The following TAOK1 variants were observed in gnomAD, a reference collection of about 807,000 sequenced individuals.
TAOK1 encodes serine/threonine-protein kinase TAO1.
In TAOK1, 21 loss-of-function variants were observed where a neutral mutation model predicts 138.3. That is an observed-to-expected ratio of 0.15 (90% CI 0.11 to 0.22). TAOK1 has a LOEUF of 0.22. Ranked by LOEUF, TAOK1 falls within the 10% of genes least tolerant of loss-of-function variation. The pLI is 1.00. For missense variants in TAOK1, 651 were observed against 1,227.7 expected, an observed-to-expected ratio of 0.53 and a Z score of 7.02; for synonymous variants, 361 against 398.4, an observed-to-expected ratio of 0.91 and a Z score of 1.12.
intron 12 of TAOK1, among the ~76,000 whole-genome samples, chr17:29,499,399 T>G (rs2031472456): frequency 6.6e-6 from 1 of 151,668 alleles, no homozygotes; most frequent in African/African-American, 2.4e-5. Context: ...GCCTGGCTAA[T>G]TTTTGTATTC....
intron 1 of TAOK1, among the ~76,000 whole-genome samples, chr17:29,418,422 C>G (rs1490059969): frequency 6.6e-6 from 1 of 151,784 alleles, no homozygotes; most frequent in Non-Finnish European, 1.5e-5. Flanking sequence ...CCAAGCTGGT[C>G]TCCAACTCCT....
At chr17:29,475,631 A>T (rs2030927417) in intron 3 of TAOK1, 39 bp from the exon 4 acceptor site, 1 of 1,327,088 alleles carries the variant, frequency 7.5e-7, no homozygotes. Context: ...TCTGAGGAAA[A>T]GTCCTGTTCA....
chr17:29,511,338 A>G (rs2031716418), intron 15 of TAOK1: 1 of 152,690 alleles, frequency 6.5e-6, no homozygotes, highest in Admixed American at 6.6e-5. Context: ...GGTTCACACC[A>G]TTCTCCTGCC....
chr17:29,528,132 C>T (rs1427921771), intron 17 of TAOK1, among the ~76,000 whole-genome samples: 3 of 152,156 alleles, frequency 2.0e-5, no homozygotes, highest in African/African-American at 4.8e-5. Context: ...TCACTGCAGC[C>T]TCCACCTCCC....
intron 8 of TAOK1, 105 bp downstream of exon 8, chr17:29,482,393 T>C: frequency 1.1e-6 from 1 of 893,812 alleles, no homozygotes. Flanking sequence ...AAATGTCACT[T>C]TATAAGGGGG....
intron 1 of TAOK1, among the ~76,000 whole-genome samples, chr17:29,394,221 A>G (rs553909650): frequency 1.7e-5 from 2 of 116,648 alleles, no homozygotes; most frequent in African/African-American, 6.6e-5. Flanking sequence ...GCTGGAGTGC[A>G]GTGGCACGAT....
intron 17 of TAOK1, among the ~76,000 whole-genome samples, chr17:29,523,074 C>CAAAAAA (rs35989910): frequency 9.0e-6 from 1 of 110,890 alleles, no homozygotes. Context: ...GACCCTGTCT[C>CAAAAAA]AAAAAAAAAA....
chr17:29,449,418 GTTAAT>G (rs1314039037), intron 1 of TAOK1, among the ~76,000 whole-genome samples: 1 of 152,164 alleles, frequency 6.6e-6, no homozygotes, highest in Non-Finnish European at 1.5e-5. Flanking sequence ...GCAGTGTGGT[GTTAAT>G]TTAGGGGGGT....
Position 29,543,052 on chromosome 17 carries a change from G to C in TAOK1, c.*30G>C. The C allele has an allele frequency of 6.7e-7, 1 of 1,498,942 alleles. No individual in the cohort carries two copies. The highest frequency in any genetic ancestry group is 9.0e-7 in the Non-Finnish European group (1 of 1,115,052). The allele number at this position is 1,498,942 out of a possible 1,614,324, so 92.9% of individuals were successfully genotyped here. Reference sequence around the variant, plus strand: ...ATAATTGAGAGTGGCAATTCCGCTGGAGCTGTCTGCCAAAAGAAACTGCCT... The same window carrying C: ...ATAATTGAGAGTGGCAATTCCGCTGCAGCTGTCTGCCAAAAGAAACTGCCT... On this transcript the variant is annotated 3_prime_UTR_variant, in exon 20 of 20. Coordinates refer to ENST00000261716, the MANE Select transcript of TAOK1 (RefSeq NM_020791.4).
At chr17:29,491,905 G>A (rs778156843) in intron 10 of TAOK1, 40 bp downstream of exon 10, 1 of 1,483,402 alleles carries the variant, frequency 6.7e-7, no homozygotes, top group South Asian at 1.2e-5. Flanking sequence ...TTTATTTTAA[G>A]ACAAGGCCTC....
chr17:29,439,464 A>G (rs976507674), intron 1 of TAOK1, among the ~76,000 whole-genome samples: 1 of 151,948 alleles, frequency 6.6e-6, no homozygotes, highest in Admixed American at 6.6e-5. Flanking sequence ...CGGCCTCCCA[A>G]AGTGCTGGGA....
chr17:29,413,137 T>C (rs1166114755), intron 1 of TAOK1, among the ~76,000 whole-genome samples: 1 of 152,164 alleles, frequency 6.6e-6, no homozygotes, highest in African/African-American at 2.4e-5. Flanking sequence ...TTGTTATACA[T>C]AGTGGTGATC....
At chr17:29,527,903 CTAAACT>C (rs1215123765) in intron 17 of TAOK1, among the ~76,000 whole-genome samples, 1 of 152,216 alleles carries the variant, frequency 6.6e-6, no homozygotes, top group Non-Finnish European at 1.5e-5. Flanking sequence ...TCTTCTGTCT[CTAAACT>C]TAAATATTTT....
rs774816955 is a variant in TAOK1 at position 29,522,529 on chromosome 17, G to A, written c.2148+10G>A. The A allele has an allele frequency of 8.1e-6, 13 of 1,613,458 alleles. No homozygotes were observed. The highest frequency in any genetic ancestry group is 7.7e-5 in the South Asian group (7 of 91,018). The stretch of plus-strand genomic sequence containing the variant: ...GCCTAAGAGTTTGAAGGTATGGTTA[G>A]CCTAAGCTTTTTGATAACAGGGAGG... On this transcript the variant is annotated intron_variant, in intron 17 of 19. Transcript: ENST00000261716.
intron 17 of TAOK1, among the ~76,000 whole-genome samples, chr17:29,523,200 T>C (rs1306486778): frequency 6.6e-6 from 1 of 151,896 alleles, no homozygotes; most frequent in Non-Finnish European, 1.5e-5. Context: ...TAATTTGCTG[T>C]AAATATGACT....
intron 1 of TAOK1, among the ~76,000 whole-genome samples, chr17:29,411,782 AT>A (rs1210047060): frequency 7.3e-5 from 11 of 150,486 alleles, no homozygotes; most frequent in Admixed American, 2.0e-4. Context: ...GCTTAAGTGA[AT>A]TTTTTTTTTA....
Position 29,546,278 on chromosome 17 carries a change from T to G in TAOK1, c.*3256T>G, listed in dbSNP as rs1463441753. On this transcript the variant is annotated 3_prime_UTR_variant, in exon 20 of 20. Transcript: ENST00000261716. Reference sequence around the variant, plus strand: ...AAGGATTTGTTGGTAAATGGAACATTTTAGCATAGTCATGATTTTTGGTTG... The same window carrying G: ...AAGGATTTGTTGGTAAATGGAACATGTTAGCATAGTCATGATTTTTGGTTG... 6.6e-6 allele frequency: 1 copy of G among 152,040 alleles called. No homozygotes were observed. The highest frequency in any genetic ancestry group is 1.5e-5 in the Non-Finnish European group (1 of 67,948). 9.4% of individuals were successfully genotyped at this position (152,040 alleles called of 1,614,324 possible).
intron 19 of TAOK1, among the ~76,000 whole-genome samples, chr17:29,538,408 T>C (rs781391018): frequency 8.5e-5 from 13 of 152,324 alleles, no homozygotes; most frequent in Non-Finnish European, 1.8e-4. Flanking sequence ...ATGGTACATC[T>C]ATAGTGCTTC....
chr17:29,536,557 GCC>G (rs1171245195), intron 19 of TAOK1, among the ~76,000 whole-genome samples: 1 of 150,818 alleles, frequency 6.6e-6, no homozygotes, highest in Admixed American at 6.6e-5. Context: ...CCAAGATCAC[GCC>G]ACTGCACTCC....
Sources: gnomAD v4.1 joint callset for allele counts (sites outside exome capture counted in the v4.1 genomes callset) on GRCh38, gnomAD v4.1.1 for gene constraint, MANE v1.5 for transcripts, NCBI Gene and HGNC (gene_info 2026-07-23, HGNC 2026-07-21) for gene names.